Variants in MARCHF1 observed in about 807,000 individuals in gnomAD.
MARCHF1 encodes the protein E3 ubiquitin-protein ligase MARCHF1.
A neutral mutation model predicts 54.2 loss-of-function variants in MARCHF1; 40 were observed. The ratio of observed to expected loss-of-function variants is 0.74; its 90% CI spans 0.57 to 0.96. The LOEUF (loss-of-function observed/expected upper bound fraction) is 0.96, where lower values mean the gene tolerates loss of function less well. MARCHF1 is among the 40% of genes least tolerant of loss of function. The probability of loss-of-function intolerance (pLI) is 0.00; values close to 1 mark genes in which losing one functional copy is unlikely to be tolerated. For synonymous variants in MARCHF1, 236 were observed against 236.3 expected, an observed-to-expected ratio of 1.00 and a Z score of 0.01; for missense variants, 586 against 656.5, an observed-to-expected ratio of 0.89 and a Z score of 1.17.
chr4:163,724,008 C>A (rs1457429556), intron 4 of MARCHF1, among the ~76,000 whole-genome samples: 3 of 152,196 alleles, frequency 2.0e-5, no homozygotes, highest in Non-Finnish European at 4.4e-5. Context: ...TCGTCTGAAG[C>A]CTTCTTCTCT....
chr4:163,616,673 G>A (rs1396614339), intron 5 of MARCHF1, among the ~76,000 whole-genome samples: 2 of 151,964 alleles, frequency 1.3e-5, no homozygotes, highest in Non-Finnish European at 2.9e-5. Flanking sequence ...GAGCCCAGGT[G>A]TTTGAAGCTA....
At chr4:164,250,372 C>G (rs1377755057) in intron 1 of MARCHF1, among the ~76,000 whole-genome samples, 1 of 152,002 alleles carries the variant, frequency 6.6e-6, no homozygotes, top group Admixed American at 6.6e-5. Flanking sequence ...TTAGAATGTT[C>G]CCCCAGAAAG....
chr4:164,310,146 C>A (rs1172885690), intron 1 of MARCHF1, among the ~76,000 whole-genome samples: 1 of 151,968 alleles, frequency 6.6e-6, no homozygotes, highest in Non-Finnish European at 1.5e-5. Context: ...GGCGCCATCT[C>A]GGCTCACTGC....
At chr4:164,215,892 G>A (rs1331708943) in intron 1 of MARCHF1, among the ~76,000 whole-genome samples, 2 of 152,114 alleles carry the variant, frequency 1.3e-5, no homozygotes, top group South Asian at 2.1e-4. Flanking sequence ...GAGAAAATTC[G>A]GAACTTTTTA....
chr4:163,623,073 T>C (rs1741743504), intron 5 of MARCHF1, among the ~76,000 whole-genome samples: 1 of 152,152 alleles, frequency 6.6e-6, no homozygotes, highest in Admixed American at 6.6e-5. Flanking sequence ...GAAATCTGGT[T>C]TGAAGTACTA....
rs1440968584 is a variant in MARCHF1, at chr4:164,188,798, G to A, written c.-322-77136C>T. On this transcript the variant is annotated intron_variant, in intron 1 of 9. Transcript: ENST00000514618. Reference sequence around the variant, plus strand: ...TGGAGGTGGGCAAACAAAGACATTTGCTCCTGAAGAAATTTCTGCCATGGT... The same window carrying A: ...TGGAGGTGGGCAAACAAAGACATTTACTCCTGAAGAAATTTCTGCCATGGT... 14 of 858,184 alleles carry A rather than the reference G, an allele frequency of 1.6e-5. No individual in the cohort carries two copies. In the Admixed American group the frequency reaches 2.2e-4, roughly 13 times the overall value. 53.2% of individuals were successfully genotyped at this position (858,184 alleles called of 1,614,324 possible).
intron 4 of MARCHF1, among the ~76,000 whole-genome samples, chr4:163,724,241 C>T (rs1745577649): frequency 6.6e-6 from 1 of 152,282 alleles, no homozygotes; most frequent in African/African-American, 2.4e-5. Context: ...TTCTAATGGT[C>T]ACGATCCTCA....
intron 1 of MARCHF1, among the ~76,000 whole-genome samples, chr4:164,183,602 T>C (rs1730889718): frequency 6.6e-6 from 1 of 152,346 alleles, no homozygotes; most frequent in African/African-American, 2.4e-5. Flanking sequence ...GAAGTTTTGT[T>C]GCTTTGTTTA....
chr4:164,298,805 C>T (rs1734477168), intron 1 of MARCHF1, among the ~76,000 whole-genome samples: 1 of 151,996 alleles, frequency 6.6e-6, no homozygotes, highest in South Asian at 2.1e-4. Flanking sequence ...TATTATTCTA[C>T]AAGTTAATCT....
intron 2 of MARCHF1, among the ~76,000 whole-genome samples, chr4:164,057,050 T>C (rs1024449334): frequency 6.6e-6 from 1 of 152,136 alleles, no homozygotes; most frequent in African/African-American, 2.4e-5. Context: ...GCTAAGGGAA[T>C]GTAACACTAA....
At chr4:163,599,982 G>C (rs1028243756) in intron 7 of MARCHF1, among the ~76,000 whole-genome samples, 2 of 152,052 alleles carry the variant, frequency 1.3e-5, no homozygotes, top group Non-Finnish European at 2.9e-5. Context: ...CAAGTTTGAG[G>C]ACCAATGTCC....
At chr4:163,898,667 T>C (rs1441359972) in intron 3 of MARCHF1, among the ~76,000 whole-genome samples, 2 of 152,098 alleles carry the variant, frequency 1.3e-5, no homozygotes, top group African/African-American at 4.8e-5. Context: ...ACTCAACCTA[T>C]AGCAATCTCA....
intron 2 of MARCHF1, among the ~76,000 whole-genome samples, chr4:164,084,098 C>A (rs1336007875): frequency 1.3e-5 from 2 of 151,816 alleles, no homozygotes; most frequent in African/African-American, 4.8e-5. Flanking sequence ...GTGACTTATC[C>A]CATTTCATAG....
At chr4:164,036,004 G>A (rs1283995568) in intron 2 of MARCHF1, among the ~76,000 whole-genome samples, 2 of 149,252 alleles carry the variant, frequency 1.3e-5, no homozygotes, top group Non-Finnish European at 3.0e-5. Flanking sequence ...TCAGGAGGCT[G>A]AGGCAGGATA....
chr4:164,006,065 A>G (rs1230168969), intron 2 of MARCHF1, among the ~76,000 whole-genome samples: 2 of 152,156 alleles, frequency 1.3e-5, no homozygotes, highest in Admixed American at 6.5e-5. Flanking sequence ...ACGAGAAACA[A>G]ACAAACAAAC....
intron 5 of MARCHF1, among the ~76,000 whole-genome samples, chr4:163,643,158 C>CAAA (rs34228966): frequency 3.8e-5 from 4 of 104,158 alleles, no homozygotes; most frequent in African/African-American, 1.4e-4. Flanking sequence ...ACTATAAATA[C>CAAA]AAAAAAAAAA....
At chr4:164,072,094 C>T (rs1282253420) in intron 2 of MARCHF1, among the ~76,000 whole-genome samples, 1 of 151,642 alleles carries the variant, frequency 6.6e-6, no homozygotes, top group Non-Finnish European at 1.5e-5. Context: ...GTCAAAATGA[C>T]AATGAGTCAT....
chr4:164,051,543 T>G (rs548888707), intron 2 of MARCHF1, among the ~76,000 whole-genome samples: 1 of 152,304 alleles, frequency 6.6e-6, no homozygotes, highest in African/African-American at 2.4e-5. Flanking sequence ...ACTGGTAACA[T>G]TTTGCATGTT....
At chr4:164,128,221 T>C (rs1756227174) in intron 1 of MARCHF1, among the ~76,000 whole-genome samples, 1 of 152,140 alleles carries the variant, frequency 6.6e-6, no homozygotes, top group Non-Finnish European at 1.5e-5. Flanking sequence ...CATGGATTAA[T>C]TCCTTATAAT....
Sources: allele counts gnomAD v4.1 joint callset (sites outside exome capture counted in the v4.1 genomes callset), GRCh38; gene constraint gnomAD v4.1.1; transcripts MANE v1.5; gene names NCBI Gene and HGNC (gene_info 2026-07-23, HGNC 2026-07-21).